Variants in ZNF365 observed in about 807,000 individuals in gnomAD.
ZNF365 encodes the protein zinc finger protein 365, also known as protein ZNF365.
A neutral mutation model predicts 35.0 loss-of-function variants in ZNF365; 22 were observed. That is an observed-to-expected ratio of 0.63 (90% CI 0.45 to 0.90). The LOEUF is 0.90. ZNF365 is among the 40% of genes least tolerant of loss of function. The pLI is 0.00. For missense variants in ZNF365, 448 were observed against 500.3 expected (o/e 0.90, Z 1.00); for synonymous variants, 188 against 196.2 (o/e 0.96, Z 0.35).
intron 4 of ZNF365, among the ~76,000 whole-genome samples, chr10:62,477,394 G>C (rs1422420716): frequency 1.3e-5 from 2 of 152,150 alleles, no homozygotes; most frequent in African/African-American, 2.4e-5. Context: ...CTACATGCTA[G>C]ATAAGAAAAT....
chr10:62,388,328 T>TA (rs1839557762), intron 2 of ZNF365, 68 bp from the exon 3 acceptor site: 1 of 1,573,344 alleles, frequency 6.4e-7, no homozygotes, highest in African/African-American at 1.3e-5. Context: ...ACTCAATAAA[T>TA]ATGTGTTGAA....
chr10:62,442,680 C>T (rs1246743991), intron 3 of ZNF365, among the ~76,000 whole-genome samples: 1 of 152,214 alleles, frequency 6.6e-6, no homozygotes, highest in African/African-American at 2.4e-5. Context: ...TGAAATCCTA[C>T]TCCTCCACAT....
intron 3 of ZNF365, among the ~76,000 whole-genome samples, chr10:62,439,369 G>T (rs1364304446): frequency 8.5e-5 from 12 of 140,378 alleles, no homozygotes; most frequent in African/African-American, 2.8e-4. Context: ...AGAATTTTAT[G>T]ATTATTTCAA....
chr10:62,479,886 T>C (rs368078275), exon 5 of ZNF365: 18 of 1,613,052 alleles, frequency 1.1e-5, no homozygotes, highest in African/African-American at 8.0e-5. Flanking sequence ...GAGTCTGCGA[T>C]TGTGGAATAA....
At chr10:62,432,705 C>T (rs1233259483) in intron 3 of ZNF365, among the ~76,000 whole-genome samples, 1 of 152,172 alleles carries the variant, frequency 6.6e-6, no homozygotes, top group Non-Finnish European at 1.5e-5. Context: ...AAATGCACAA[C>T]AAATGATAGC....
chr10:62,406,162 T>G (rs892981182), downstream of ZNF365, among the ~76,000 whole-genome samples: 1 of 152,128 alleles, frequency 6.6e-6, no homozygotes, highest in African/African-American at 2.4e-5. Flanking sequence ...GCACCAGACC[T>G]CTTGCTCCTT....
intron 3 of ZNF365, among the ~76,000 whole-genome samples, chr10:62,441,364 T>A (rs1370170717): frequency 6.6e-6 from 1 of 152,186 alleles, no homozygotes; most frequent in Non-Finnish European, 1.5e-5. Context: ...CTATACCATA[T>A]ATATTAGTTC....
intron 4 of ZNF365, among the ~76,000 whole-genome samples, chr10:62,476,693 T>C (rs1283475242): frequency 5.9e-5 from 9 of 152,230 alleles, no homozygotes; most frequent in Non-Finnish European, 1.2e-4. Flanking sequence ...ATAAGTCAAA[T>C]GGTTAAGGAA....
intron 3 of ZNF365, among the ~76,000 whole-genome samples, chr10:62,397,812 A>G (rs1839756301): frequency 6.6e-6 from 1 of 152,238 alleles, no homozygotes; most frequent in Non-Finnish European, 1.5e-5. Context: ...GTGACTGGCC[A>G]CAGCTATAGA....
intron 4 of ZNF365, among the ~76,000 whole-genome samples, chr10:62,468,438 A>G (rs192190292): frequency 3.5e-4 from 54 of 152,346 alleles, no homozygotes; most frequent in African/African-American, 1.2e-3. Context: ...TGGCTGAAAC[A>G]GGATCTAGTT....
At chr10:62,398,862 AT>A in intron 4 of ZNF365, 85 bp downstream of exon 4, 2 of 1,264,282 alleles carry the variant, frequency 1.6e-6, no homozygotes, top group Non-Finnish European at 2.2e-6. Flanking sequence ...GATCGTATCT[AT>A]TTTATATGAT....
At chr10:62,442,348 A>G (rs16917216) in intron 3 of ZNF365, among the ~76,000 whole-genome samples, 2,607 of 152,338 alleles carry the variant, frequency 0.017, 29 homozygotes, top group East Asian at 0.082. Context: ...GATGAATCAA[A>G]GCCAGAGTGT....
downstream of ZNF365, among the ~76,000 whole-genome samples, chr10:62,406,579 A>G (rs1343533040): frequency 1.3e-5 from 2 of 152,162 alleles, no homozygotes; most frequent in African/African-American, 4.8e-5. Context: ...GGCCTCAGAT[A>G]TGCTAAAAAA....
intron 3 of ZNF365, among the ~76,000 whole-genome samples, chr10:62,409,779 T>TCCAA (rs762966571): frequency 5.1e-4 from 77 of 152,212 alleles, no homozygotes; most frequent in Non-Finnish European, 9.6e-4. Flanking sequence ...TATTCATCCA[T>TCCAA]CCAACCAACC....
chr10:62,476,274 T>C (rs905643099), intron 4 of ZNF365, among the ~76,000 whole-genome samples: 2 of 152,202 alleles, frequency 1.3e-5, no homozygotes, highest in African/African-American at 2.4e-5. Context: ...TTTCAAACTG[T>C]TCCTCAGAAC....
chr10:62,472,615 G>C (rs537414670), intron 4 of ZNF365, among the ~76,000 whole-genome samples: 2 of 152,282 alleles, frequency 1.3e-5, no homozygotes, highest in East Asian at 3.9e-4. Flanking sequence ...AGTGACCATG[G>C]CTCTGTGGAC....
chr10:62,474,410 G>C (rs758918110), intron 4 of ZNF365, among the ~76,000 whole-genome samples: 2 of 152,040 alleles, frequency 1.3e-5, no homozygotes, highest in Non-Finnish European at 2.9e-5. Context: ...GTTTTGTTTT[G>C]CCTTAATGTG....
At chr10:62,474,831 G>A (rs1841101437) in intron 4 of ZNF365, among the ~76,000 whole-genome samples, 1 of 152,182 alleles carries the variant, frequency 6.6e-6, no homozygotes, top group Non-Finnish European at 1.5e-5. Flanking sequence ...AGTTCACAGT[G>A]GAGTAGCTCC....
At chr10:62,453,738 G>T (rs1217605600) in intron 3 of ZNF365, among the ~76,000 whole-genome samples, 1 of 152,110 alleles carries the variant, frequency 6.6e-6, no homozygotes, top group Non-Finnish European at 1.5e-5. Flanking sequence ...TACTTCTATA[G>T]ATTTTTTTCT....
Sources: allele counts gnomAD v4.1 joint callset (sites outside exome capture counted in the v4.1 genomes callset), GRCh38; gene constraint gnomAD v4.1.1; transcripts MANE v1.5; gene names NCBI Gene and HGNC (gene_info 2026-07-23, HGNC 2026-07-21).